The following PCDHGA2 variants were observed in gnomAD, a reference collection of about 807,000 sequenced individuals.
PCDHGA2 encodes the protein protocadherin gamma subfamily A, 2.
PCDHGA2 carries 40 observed loss-of-function variants against 59.2 expected under a neutral mutation model. That is an observed-to-expected ratio of 0.68 (90% CI 0.52 to 0.88). The LOEUF is 0.88. Among genes scored for constraint, PCDHGA2 ranks in the 40% least tolerant of loss-of-function variants. The probability of loss-of-function intolerance (pLI) is 0.00; values close to 1 mark genes in which losing one functional copy is unlikely to be tolerated. For synonymous variants in PCDHGA2, 560 were observed against 526.0 expected, an observed-to-expected ratio of 1.06 and a Z score of -0.89; for missense variants, 1,226 against 1,204.0, an observed-to-expected ratio of 1.02 and a Z score of -0.27.
At chr5:141,433,195 T>C (rs765385329) in intron 1 of PCDHGA2, 8 of 1,582,476 alleles carry the variant, frequency 5.1e-6, no homozygotes, top group Non-Finnish European at 6.9e-6. Flanking sequence ...TGAGTTTATA[T>C]CAAATCTTCT....
chr5:141,457,149 G>A (rs1016628234), intron 1 of PCDHGA2, among the ~76,000 whole-genome samples: 6 of 152,180 alleles, frequency 3.9e-5, no homozygotes, highest in African/African-American at 1.4e-4. Flanking sequence ...TCAGTTAGAA[G>A]GTGCTACCAT....
rs117623972 is a variant in PCDHGA2 at position 141,503,322 on chromosome 5, C to T, written c.2484-2071C>T. On this transcript the variant is annotated intron_variant, in intron 2 of 3. Transcript: ENST00000394576. Reference sequence around the variant, plus strand: ...GCTCAAGAAAGAATTGTTGGAGGGGCGCGGTGGCTCACGCCTGTAATTCCA... The same window carrying T: ...GCTCAAGAAAGAATTGTTGGAGGGGTGCGGTGGCTCACGCCTGTAATTCCA... Among the ~76,000 whole-genome samples, 216 of 152,126 alleles carry T rather than the reference C, an allele frequency of 1.4e-3. 8 individuals carry two copies. In the East Asian group the frequency reaches 0.038, roughly 27 times the overall value.
intron 1 of PCDHGA2, among the ~76,000 whole-genome samples, chr5:141,462,990 A>T (rs181384059): frequency 1.8e-3 from 278 of 152,244 alleles, no homozygotes; most frequent in Non-Finnish European, 3.4e-3. Context: ...GCCTTGGGCT[A>T]ATTTAGACCT....
intron 1 of PCDHGA2, chr5:141,400,558 C>T: frequency 1.2e-6 from 2 of 1,613,290 alleles, no homozygotes; most frequent in Non-Finnish European, 1.7e-6. Flanking sequence ...TTTTTCATTA[C>T]CCACCCAATT....
chr5:141,371,934 G>A (rs1024560538), intron 1 of PCDHGA2: 3 of 1,613,324 alleles, frequency 1.9e-6, no homozygotes, highest in Admixed American at 3.3e-5. Context: ...GAGCGGGGTG[G>A]TGTTCGCGCA....
At chr5:141,345,571 T>C (rs759654962) in intron 1 of PCDHGA2, 3 of 1,614,126 alleles carry the variant, frequency 1.9e-6, no homozygotes, top group South Asian at 2.2e-5. Context: ...AACACTGGCG[T>C]CCTATACGCG....
intron 1 of PCDHGA2, among the ~76,000 whole-genome samples, chr5:141,470,036 C>T (rs573955901): frequency 5.3e-5 from 8 of 152,022 alleles, no homozygotes; most frequent in South Asian, 2.1e-4. Flanking sequence ...TGCTGAGGCG[C>T]GAGAACTGTT....
intron 1 of PCDHGA2, chr5:141,418,940 C>T (rs867717378): frequency 5.6e-6 from 9 of 1,614,010 alleles, no homozygotes; most frequent in Non-Finnish European, 7.6e-6. Flanking sequence ...GGAGGATTCC[C>T]CTCCAGGAGT....
intron 1 of PCDHGA2, among the ~76,000 whole-genome samples, chr5:141,466,965 C>G (rs1345790988): frequency 6.6e-6 from 1 of 152,016 alleles, no homozygotes; most frequent in African/African-American, 2.4e-5. Context: ...CAAATATTTT[C>G]TCACAGCTCA....
chr5:141,405,974 A>T (rs1194827537), intron 1 of PCDHGA2, among the ~76,000 whole-genome samples: 1 of 152,002 alleles, frequency 6.6e-6, no homozygotes, highest in Non-Finnish European at 1.5e-5. Context: ...AACGTAAACC[A>T]TACTTCATGG....
chr5:141,348,068 A>ACAACTT (rs1400560266), intron 1 of PCDHGA2, among the ~76,000 whole-genome samples: 5 of 152,340 alleles, frequency 3.3e-5, no homozygotes, highest in African/African-American at 9.6e-5. Context: ...GTCATGTTCT[A>ACAACTT]CAACTTTCTT....
At position 141,490,807 on chromosome 5, in the gene PCDHGA2, G is replaced by T. The variant is rs1315856354; in HGVS notation, c.2425-4000G>T. Reference sequence around the variant, plus strand: ...ACGGATCTTTGCCCAGCGTACCTTTGACTATGAATTGCTGCAGATGCTGCA... The same window carrying T: ...ACGGATCTTTGCCCAGCGTACCTTTTACTATGAATTGCTGCAGATGCTGCA... On this transcript the variant is annotated intron_variant, in intron 1 of 3. Transcript: ENST00000394576. This position sits in a 1 kb window ranked among gnomAD's most constrained non-coding sequence, Gnocchi z 5.4. 6.2e-7 allele frequency: 1 copy of T among 1,613,924 alleles called. No individual in the cohort carries two copies. The highest frequency in any genetic ancestry group is 8.5e-7 in the Non-Finnish European group (1 of 1,179,870).
chr5:141,444,406 G>A (rs1296878411), intron 1 of PCDHGA2, among the ~76,000 whole-genome samples: 1 of 151,874 alleles, frequency 6.6e-6, no homozygotes, highest in Non-Finnish European at 1.5e-5. Context: ...CCCAACCTCA[G>A]GTGATCTTCC....
intron 1 of PCDHGA2, chr5:141,374,413 C>A (rs773364230): frequency 3.1e-6 from 5 of 1,613,972 alleles, no homozygotes; most frequent in Non-Finnish European, 3.4e-6. Flanking sequence ...ACATCCTTGT[C>A]GAGGATAAAC....
At chr5:141,419,022 G>A in intron 1 of PCDHGA2, 1 of 1,613,960 alleles carries the variant, frequency 6.2e-7, no homozygotes, top group Non-Finnish European at 8.5e-7. Flanking sequence ...AGCTTAAGTA[G>A]AGGTGTTCCA....
chr5:141,510,435 C>T (rs938448523), intron 3 of PCDHGA2, among the ~76,000 whole-genome samples: 2 of 152,108 alleles, frequency 1.3e-5, no homozygotes, highest in Non-Finnish European at 2.9e-5. Context: ...ATGGCTGCTG[C>T]CCTCCAGGAG....
chr5:141,385,381 T>C, intron 1 of PCDHGA2: 1 of 1,517,334 alleles, frequency 6.6e-7, no homozygotes, highest in South Asian at 1.3e-5. Context: ...TATTTCTCTA[T>C]TATTTTGCAA....
At chr5:141,364,355 G>T in intron 1 of PCDHGA2, 1 of 1,555,424 alleles carries the variant, frequency 6.4e-7, no homozygotes, top group Non-Finnish European at 8.7e-7. Context: ...TAGGGGCTGG[G>T]GCTGCGGAGA....
chr5:141,477,191 A>C lies in PCDHGA2; in HGVS notation c.2425-17616A>C. 1 of 1,614,210 alleles carries C rather than the reference A, an allele frequency of 6.2e-7. No individual in the cohort carries two copies. The highest frequency in any genetic ancestry group is 1.1e-5 in the South Asian group (1 of 91,086). ...GGAGATCACAGTCACCTCCGTGTAC[A>C]GCCCAGTACCCGAGGATGCCCCTCT... On this transcript the variant is annotated intron_variant, in intron 1 of 3. Coordinates refer to ENST00000394576, the MANE Select transcript of PCDHGA2 (RefSeq NM_018915.4). This position sits in a 1 kb window ranked among gnomAD's most constrained non-coding sequence, Gnocchi z 4.9.
Sources: gnomAD v4.1 joint callset for allele counts (sites outside exome capture counted in the v4.1 genomes callset) on GRCh38, gnomAD v4.1.1 for gene constraint, Gnocchi (gnomAD v3.1) non-coding constraint, MANE v1.5 for transcripts, NCBI Gene and HGNC (gene_info 2026-07-23, HGNC 2026-07-21) for gene names.